The following CATSPERB variants were observed in gnomAD, a reference collection of about 807,000 sequenced individuals.
CATSPERB encodes the protein catsper channel auxiliary subunit beta.
A neutral mutation model predicts 128.3 loss-of-function variants in CATSPERB; 93 were observed. That is an observed-to-expected ratio of 0.72 (90% CI 0.61 to 0.86). CATSPERB has a LOEUF of 0.86. CATSPERB is among the 40% of genes least tolerant of loss of function. The probability of loss-of-function intolerance (pLI) is 0.00; values close to 1 mark genes in which losing one functional copy is unlikely to be tolerated. For synonymous variants in CATSPERB, 381 were observed against 448.8 expected (o/e 0.85, Z 1.91); for missense variants, 1,153 against 1,329.5 (o/e 0.87, Z 2.06).
rs1231880843 is a variant in CATSPERB, at chr14:91,723,114, G to A, written c.244C>T (p.Leu82Phe). The A allele has an allele frequency of 1.3e-6, 2 of 1,559,682 alleles. No homozygotes were observed. The highest frequency in any genetic ancestry group is 1.2e-5 in the South Asian group (1 of 80,586). Residue 82 changes from leucine (L) to phenylalanine (F), a missense_variant, in exon 4 of 27, where the codon CTT becomes TTT. Physicochemically the swap from Leu to Phe is conservative, Grantham distance 22. Transcript: ENST00000256343. ...AMLSVFTSGG[L>F]APSLGIMNST... ...TTCATGATTCCCAAGCTGGGAGCAA[G>A]TCCTCCTGATGTGAACACACTTAGC...
At chr14:91,641,264 C>T (rs1449647527) in intron 15 of CATSPERB, among the ~76,000 whole-genome samples, 112 of 149,840 alleles carry the variant, frequency 7.5e-4, no homozygotes, top group African/African-American at 2.3e-3. Context: ...GTCAATTTTG[C>T]CTTTTGTTGC....
At chr14:91,599,048 A>T (rs994770983) in intron 22 of CATSPERB, among the ~76,000 whole-genome samples, 8 of 152,088 alleles carry the variant, frequency 5.3e-5, no homozygotes, top group South Asian at 2.1e-4. Context: ...TCTGTGTATC[A>T]GACTGACCAA....
intron 17 of CATSPERB, among the ~76,000 whole-genome samples, chr14:91,627,624 A>T (rs946899844): frequency 1.3e-5 from 2 of 152,182 alleles, no homozygotes; most frequent in African/African-American, 4.8e-5. Flanking sequence ...CTAATGGAAG[A>T]TAAGGGTTGT....
intron 6 of CATSPERB, 67 bp downstream of exon 6, chr14:91,708,074 T>G: frequency 2.0e-6 from 2 of 1,014,402 alleles, no homozygotes; most frequent in Non-Finnish European, 3.1e-6. Flanking sequence ...ATCTGGCATA[T>G]AGCGGATGTC....
At chr14:91,654,446 G>C (rs1394946100) in intron 15 of CATSPERB, among the ~76,000 whole-genome samples, 1 of 152,238 alleles carries the variant, frequency 6.6e-6, no homozygotes, top group Non-Finnish European at 1.5e-5. Flanking sequence ...TGGACCTTGA[G>C]TGAATAGTGG....
At position 91,704,544 on chromosome 14, in the gene CATSPERB, A is replaced by T; in HGVS notation, c.616+8T>A. On this transcript the variant is annotated splice_region_variant and intron_variant, in intron 7 of 26. Transcript: ENST00000256343. The stretch of plus-strand genomic sequence containing the variant: ...CAATGTCAACATTTAATGAAGCTGT[A>T]GACCTACCATCAACTATTGTATCCA... 1 of 1,608,152 alleles carries T rather than the reference A, an allele frequency of 6.2e-7. No individual in the cohort carries two copies. Among genetic ancestry groups the T allele is most frequent in the Non-Finnish European group, 8.5e-7 (1 of 1,177,816 alleles).
Position 91,587,477 on chromosome 14 carries a change from C to CTTTTTTTTTTTTTTTTTTTT in CATSPERB, c.3058-221_3058-202dup, listed in dbSNP as rs3029803. On this transcript the variant is annotated intron_variant, in intron 25 of 26. Transcript: ENST00000256343. ...AAGTGGAGGGATTCAATAGCTGATA[C>CTTTTTTTTTTTTTTTTTTTT]TTTTTTTTTTTTTTTTTTTTTTTTT... Among the ~76,000 whole-genome samples, 46 of 101,542 alleles carry CTTTTTTTTTTTTTTTTTTTT rather than the reference C, an allele frequency of 4.5e-4. 2 individuals carry two copies. The highest frequency in any genetic ancestry group is 8.5e-4 in the East Asian group (3 of 3,522). The allele number at this position is 101,542 out of a possible 152,430, so 66.6% of individuals were successfully genotyped here. A position where few individuals can be genotyped will look rare whatever the true frequency, so the allele number is the denominator to read the frequency against.
chr14:91,670,276 T>C (rs1347618108), intron 13 of CATSPERB, among the ~76,000 whole-genome samples: 1 of 152,210 alleles, frequency 6.6e-6, no homozygotes, highest in African/African-American at 2.4e-5. Flanking sequence ...CCAAAGCCCA[T>C]GCTTATGACT....
At chr14:91,623,318 GT>G (rs1190009903) in intron 18 of CATSPERB, among the ~76,000 whole-genome samples, 2 of 152,020 alleles carry the variant, frequency 1.3e-5, no homozygotes, top group African/African-American at 2.4e-5. Context: ...TCCTCACCTG[GT>G]TTGACACACT....
chr14:91,612,358 C>T (rs952560401), intron 20 of CATSPERB, among the ~76,000 whole-genome samples: 6 of 152,040 alleles, frequency 3.9e-5, no homozygotes, highest in Non-Finnish European at 8.8e-5. Flanking sequence ...GCTGTGTTGC[C>T]TAGGCTGGTC....
At chr14:91,731,716 T>C (rs1896215010) in intron 1 of CATSPERB, among the ~76,000 whole-genome samples, 1 of 152,188 alleles carries the variant, frequency 6.6e-6, no homozygotes, top group African/African-American at 2.4e-5. Context: ...TTGTAATTAT[T>C]ATAAGTTTTA....
At chr14:91,664,847 T>C (rs2139825077) in intron 14 of CATSPERB, among the ~76,000 whole-genome samples, 1 of 152,350 alleles carries the variant, frequency 6.6e-6, no homozygotes, top group Admixed American at 6.5e-5. Context: ...CCTTTATCTT[T>C]AATTCTGACT....
chr14:91,586,571 A>AAAGAGAGAGAGAGAGAGAGAG (rs1555358774), intron 26 of CATSPERB, among the ~76,000 whole-genome samples: 28 of 114,236 alleles, frequency 2.5e-4, no homozygotes, highest in African/African-American at 9.7e-4. Flanking sequence ...GAGAGAGAGA[A>AAAGAGAGAGAGAGAGAGAGAG]AGAGAGAGAG....
intron 22 of CATSPERB, chr14:91,604,416 G>C: frequency 8.5e-7 from 1 of 1,183,234 alleles, no homozygotes; most frequent in Non-Finnish European, 1.2e-6. Flanking sequence ...ACATCTTCAG[G>C]TTGCATGTTC....
chr14:91,689,491 T>A (rs1049630758), intron 10 of CATSPERB, among the ~76,000 whole-genome samples: 1 of 152,190 alleles, frequency 6.6e-6, no homozygotes, highest in Non-Finnish European at 1.5e-5. Context: ...GTCTCCTCCA[T>A]CCATTTATGT....
At chr14:91,615,310 G>T (rs1294601687) in intron 20 of CATSPERB, among the ~76,000 whole-genome samples, 1 of 152,186 alleles carries the variant, frequency 6.6e-6, no homozygotes, top group Non-Finnish European at 1.5e-5. Context: ...TTCCTTATGA[G>T]AATCTAATGC....
At chr14:91,688,220 A>G (rs1412261545) in intron 10 of CATSPERB, among the ~76,000 whole-genome samples, 1 of 152,198 alleles carries the variant, frequency 6.6e-6, no homozygotes, top group African/African-American at 2.4e-5. Flanking sequence ...GTCTGGAAAT[A>G]GAAATTCTGG....
chr14:91,696,869 G>A lies in CATSPERB; in HGVS notation c.617-3390C>T, dbSNP rs546051791. On this transcript the variant is annotated intron_variant, in intron 7 of 26. Transcript: ENST00000256343. ...TTCTTACAGTGCAACAGGCAGTAAAGGCAAAGCATACAAATGCAGGTATGA... is the reference window on the plus strand; with the variant it reads ...TTCTTACAGTGCAACAGGCAGTAAAAGCAAAGCATACAAATGCAGGTATGA... 3.2e-3 allele frequency among the ~76,000 whole-genome samples: 485 copies of A among 152,316 alleles called. 3 individuals are homozygous for A. The highest frequency in any genetic ancestry group is 4.2e-3 in the Non-Finnish European group (285 of 68,030).
chr14:91,674,139 C>T (rs774414849), intron 12 of CATSPERB, 37 bp downstream of exon 12: 9 of 1,279,830 alleles, frequency 7.0e-6, no homozygotes, highest in East Asian at 2.4e-5. Flanking sequence ...AATCCCACAA[C>T]AAAATTTCTT....
Sources: allele counts gnomAD v4.1 joint callset (sites outside exome capture counted in the v4.1 genomes callset), GRCh38; gene constraint gnomAD v4.1.1; transcripts MANE v1.5; gene names NCBI Gene and HGNC (gene_info 2026-07-23, HGNC 2026-07-21).